The following EML6 variants were observed in gnomAD, a reference collection of about 807,000 sequenced individuals.
EML6 encodes EMAP like 6.
In EML6, 154 loss-of-function variants were observed where a neutral mutation model predicts 240.1. The observed-to-expected ratio is 0.64, with a 90% CI of 0.56 to 0.73. The LOEUF is 0.73. Ranked by LOEUF, EML6 falls within the 30% of genes least tolerant of loss-of-function variation. The pLI is 0.00. For synonymous variants in EML6, 1,148 were observed against 899.0 expected, an observed-to-expected ratio of 1.28 and a Z score of -4.95; for missense variants, 2,964 against 2,474.6, an observed-to-expected ratio of 1.20 and a Z score of -4.20.
chr2:54,808,361 C>G (rs757070059), intron 2 of EML6, among the ~76,000 whole-genome samples: 9 of 152,166 alleles, frequency 5.9e-5, no homozygotes, highest in Non-Finnish European at 8.8e-5. Context: ...GGTCACTCCC[C>G]CTTCAATCCC....
rs1410299066 is a variant in EML6, at chr2:54,971,865, A to T, written c.*1770A>T. On this transcript the variant is annotated 3_prime_UTR_variant, in exon 42 of 42. Coordinates refer to ENST00000356458, the MANE Select transcript of EML6 (RefSeq NM_001039753.4). The stretch of plus-strand genomic sequence containing the variant: ...CGTGTGTCATGAAAAACTTATTTGT[A>T]AACGTTTATATGGTATGATTTTGAT... 1 of 152,240 alleles carries T rather than the reference A, an allele frequency of 6.6e-6. No homozygotes were observed. Among genetic ancestry groups the T allele is most frequent in the Non-Finnish European group, 1.5e-5 (1 of 68,038 alleles). 9.4% of individuals were successfully genotyped at this position (152,240 alleles called of 1,614,324 possible). A position where few individuals can be genotyped will look rare whatever the true frequency, so the allele number is the denominator to read the frequency against.
At chr2:54,843,668 C>T (rs1353931022) in intron 7 of EML6, among the ~76,000 whole-genome samples, 1 of 151,808 alleles carries the variant, frequency 6.6e-6, no homozygotes, top group Non-Finnish European at 1.5e-5. Flanking sequence ...CACGGTGAAA[C>T]CCCGTCTCCA....
At chr2:54,838,018 C>T (rs981874296) in intron 7 of EML6, among the ~76,000 whole-genome samples, 1 of 152,208 alleles carries the variant, frequency 6.6e-6, no homozygotes, top group African/African-American at 2.4e-5. Context: ...TTTTCTTCCC[C>T]AAATGGTTTG....
intron 25 of EML6, among the ~76,000 whole-genome samples, chr2:54,914,132 A>G (rs1284881661): frequency 1.3e-5 from 2 of 152,176 alleles, no homozygotes; most frequent in Non-Finnish European, 2.9e-5. Context: ...TTGACTATTC[A>G]GCCTCTTTTT....
chr2:54,848,609 T>C (rs764164870), intron 9 of EML6, among the ~76,000 whole-genome samples: 8 of 151,710 alleles, frequency 5.3e-5, no homozygotes, highest in Non-Finnish European at 1.2e-4. Flanking sequence ...TATTAATAAA[T>C]GATAGCAGGT....
rs548742531 is a variant in EML6 at position 54,724,129 on chromosome 2, T to C, written c.-514+352T>C. On this transcript the variant is annotated intron_variant, in intron 1 of 41. Coordinates refer to ENST00000356458, the MANE Select transcript of EML6 (RefSeq NM_001039753.4). The surrounding 1 kb of genome is among the most constrained non-coding windows in gnomAD (Gnocchi z 5.2). ...GGTAGCGCACTCCCTCCGACTGCAC[T>C]AGTGCCTCGTTTCTTCCGAGTAAGA... is the stretch of plus-strand genomic sequence containing the variant. Among the ~76,000 whole-genome samples the C allele has an allele frequency of 1.4e-4, 21 of 152,292 alleles. No homozygotes were observed. The highest frequency in any genetic ancestry group is 4.8e-4 in the African/African-American group (20 of 41,570).
At chr2:54,778,454 A>C (rs1262394919) in intron 2 of EML6, among the ~76,000 whole-genome samples, 1 of 152,174 alleles carries the variant, frequency 6.6e-6, no homozygotes, top group Non-Finnish European at 1.5e-5. Flanking sequence ...CTGACCCTCA[A>C]AAGTCAGCTA....
Position 54,958,017 on chromosome 2 carries a change from T to TCCC in EML6, c.4695+20_4695+22dup, listed in dbSNP as rs1239364056. ...CGGTGCTGTGAGTTCTAGCAGATACTCCCTGAGAAGGGGACCCAGACCCCC... is the reference window on the plus strand; with the variant it reads ...CGGTGCTGTGAGTTCTAGCAGATACTCCCCCCTGAGAAGGGGACCCAGACCCCC... On this transcript the variant is annotated intron_variant, in intron 33 of 41. Transcript: ENST00000356458. The TCCC allele has an allele frequency of 6.5e-6, 10 of 1,538,746 alleles. No homozygotes were observed. Among genetic ancestry groups the TCCC allele is most frequent in the Non-Finnish European group, 8.8e-6 (10 of 1,138,134 alleles).
intron 11 of EML6, among the ~76,000 whole-genome samples, chr2:54,858,437 C>T (rs1356627480): frequency 6.6e-6 from 1 of 152,250 alleles, no homozygotes; most frequent in African/African-American, 2.4e-5. Context: ...AAGAGGCCAA[C>T]ACTTTAAGAT....
rs549128587 is a variant in EML6 at position 54,804,831 on chromosome 2, A to G, written c.198-8401A>G. On this transcript the variant is annotated intron_variant, in intron 2 of 41. Transcript: ENST00000356458. ...TCTCAAAACAGTATGGTTAATGGCT[A>G]TTTCTTATTTTCTTTAGACATGTTG... Among the ~76,000 whole-genome samples the G allele has an allele frequency of 2.0e-4, 31 of 152,240 alleles. No individual in the cohort carries two copies. In the Middle Eastern group the frequency reaches 0.024, roughly 117 times the overall value.
intron 2 of EML6, among the ~76,000 whole-genome samples, chr2:54,763,769 C>T (rs1668070627): frequency 6.6e-6 from 1 of 152,172 alleles, no homozygotes; most frequent in African/African-American, 2.4e-5. Flanking sequence ...ACAGCTTCAG[C>T]AGGCCTGGCA....
At chr2:54,769,222 G>A (rs919209811) in intron 2 of EML6, among the ~76,000 whole-genome samples, 2 of 152,308 alleles carry the variant, frequency 1.3e-5, no homozygotes, top group African/African-American at 4.8e-5. Context: ...TAGTAGTGAT[G>A]TCAGAAGACT....
chr2:54,847,491 G>C lies in EML6; in HGVS notation c.1055G>C (p.Trp352Ser). Residue 352 changes from tryptophan (W) to serine (S), a missense_variant, in exon 9 of 42, where the codon TGG (tryptophan) becomes TCG (serine). Physicochemically the swap from Trp to Ser is radical, Grantham distance 177. Coordinates refer to ENST00000356458, the MANE Select transcript of EML6 (RefSeq NM_001039753.4). ...GACTTCGTTCTTGTGCCTAGGCTGT[G>C]GAGCCTGGCTGATCATGCCTTGATC... ...TGSDDRSVRLWSLADHALIAR... is the reference protein window; with the variant it reads ...TGSDDRSVRLSSLADHALIAR... 2 of 1,551,430 alleles carry C rather than the reference G, an allele frequency of 1.3e-6. No individual in the cohort carries two copies. Among genetic ancestry groups the C allele is most frequent in the Non-Finnish European group, 1.7e-6 (2 of 1,147,014 alleles).
chr2:54,886,192 G>A (rs572100745), intron 17 of EML6, among the ~76,000 whole-genome samples: 10 of 109,564 alleles, frequency 9.1e-5, no homozygotes, highest in African/African-American at 3.3e-4. Context: ...TTGAGATGGT[G>A]TCTTGCTGTG....
At chr2:54,959,014 T>C (rs1249420464) in intron 33 of EML6, 90 bp from the exon 34 acceptor site, 2 of 1,264,106 alleles carry the variant, frequency 1.6e-6, no homozygotes, top group African/African-American at 3.0e-5. Context: ...TCTGCATCTC[T>C]AGCTCTGGTT....
chr2:54,839,891 TAA>T (rs1485074656), intron 7 of EML6, among the ~76,000 whole-genome samples: 4 of 152,220 alleles, frequency 2.6e-5, no homozygotes, highest in South Asian at 2.1e-4. Flanking sequence ...TAAAATTTTT[TAA>T]AAGAGAGGAT....
chr2:54,959,865 G>T (rs1676414576), intron 34 of EML6, among the ~76,000 whole-genome samples: 1 of 152,244 alleles, frequency 6.6e-6, no homozygotes, highest in African/African-American at 2.4e-5. Context: ...CTCTGTGGAG[G>T]AATGGAGGAA....
chr2:54,844,346 A>G, intron 8 of EML6, 98 bp downstream of exon 8: 3 of 922,694 alleles, frequency 3.3e-6, no homozygotes, highest in Non-Finnish European at 5.0e-6. Flanking sequence ...GAACAGAACC[A>G]CACAGTTTCC....
intron 2 of EML6, among the ~76,000 whole-genome samples, chr2:54,777,748 A>G (rs1668664052): frequency 2.0e-5 from 3 of 152,300 alleles, no homozygotes; most frequent in South Asian, 4.1e-4. Context: ...ATGGCTGGGT[A>G]CATGGAGTGT....
Sources: gnomAD v4.1 joint callset for allele counts (sites outside exome capture counted in the v4.1 genomes callset) on GRCh38, gnomAD v4.1.1 for gene constraint, Gnocchi (gnomAD v3.1) non-coding constraint, MANE v1.5 for transcripts, NCBI Gene and HGNC (gene_info 2026-07-23, HGNC 2026-07-21) for gene names.